The following RBBP4 variants were observed in gnomAD, a reference collection of about 807,000 sequenced individuals.
RBBP4 encodes the protein histone-binding protein RBBP4.
RBBP4 carries 3 observed loss-of-function variants against 57.2 expected under a neutral mutation model. That is an observed-to-expected ratio of 0.05 (90% CI 0.02 to 0.14). The LOEUF (loss-of-function observed/expected upper bound fraction) is 0.14. Among genes scored for constraint, RBBP4 ranks in the 10% least tolerant of loss-of-function variants. The pLI is 1.00. For missense variants in RBBP4, 107 were observed against 520.6 expected (o/e 0.21, Z 7.73); for synonymous variants, 151 against 171.5 (o/e 0.88, Z 0.93).
intron 3 of RBBP4, among the ~76,000 whole-genome samples, chr1:32,661,870 CTTTTTTTTTTTTTTTTTT>C (rs71006354): frequency 3.7e-4 from 18 of 49,308 alleles, no homozygotes; most frequent in African/African-American, 1.2e-3. Context: ...CCTTTGCCCA[CTTTTTTTTTTTTTTTTTT>C]TTTTTTTTTT....
intron 3 of RBBP4, 50 bp downstream of exon 3, chr1:32,657,622 T>C (rs1403599150): frequency 6.4e-7 from 1 of 1,559,536 alleles, no homozygotes; most frequent in Non-Finnish European, 8.7e-7. Context: ...TCATATCTGT[T>C]ATGTGCACTT....
rs567425944 is a variant in RBBP4 at position 32,685,927 on chromosome 1, A to G, written c.*6222A>G. The G allele has an allele frequency of 8.8e-4, 134 of 152,322 alleles. No homozygotes were observed. The highest frequency in any genetic ancestry group is 3.0e-3 in the African/African-American group (125 of 41,568). 9.4% of individuals were successfully genotyped at this position (152,322 alleles called of 1,614,324 possible). A position where few individuals can be genotyped will look rare whatever the true frequency, so the allele number is the denominator to read the frequency against. ...CCTTCAAAGGCTTTCCACTTTCTTT[A>G]GTGGCATTCAGACCCCCTCTAGTTT... On this transcript the variant is annotated 3_prime_UTR_variant, in exon 12 of 12. Transcript: ENST00000373493.
chr1:32,662,606 C>A (rs1648472422), intron 3 of RBBP4, among the ~76,000 whole-genome samples: 1 of 151,272 alleles, frequency 6.6e-6, no homozygotes, highest in Non-Finnish European at 1.5e-5. Context: ...GAACTCCTGA[C>A]CTCGTGATCC....
chr1:32,657,750 A>G (rs1648205160), intron 3 of RBBP4, 178 bp downstream of exon 3: 1 of 665,432 alleles, frequency 1.5e-6, no homozygotes, highest in Admixed American at 3.6e-5. Context: ...AATACTTAAC[A>G]CATCCTTGGT....
At chr1:32,657,904 G>A (rs1210309795) in intron 3 of RBBP4, among the ~76,000 whole-genome samples, 2 of 152,152 alleles carry the variant, frequency 1.3e-5, no homozygotes, top group Non-Finnish European at 2.9e-5. Flanking sequence ...CTAGGTTGGA[G>A]TGTAGTGGCA....
In RBBP4 at chr1:32,671,159, C is replaced by T. The variant is rs538111034; in HGVS notation, c.967-1291C>T. On this transcript the variant is annotated intron_variant, in intron 8 of 11. Coordinates refer to ENST00000373493, the MANE Select transcript of RBBP4 (RefSeq NM_005610.3). ...ATTATTGCATGGAGTCATTTTTAAT[C>T]AGACTTATATGTAATACAGAACTCA... 2.0e-5 allele frequency among the ~76,000 whole-genome samples: 3 copies of T among 152,196 alleles called. No individual in the cohort carries two copies. In the South Asian group the frequency reaches 6.2e-4, roughly 32 times the overall value.
intron 3 of RBBP4, among the ~76,000 whole-genome samples, chr1:32,661,814 C>T (rs1465977506): frequency 7.6e-6 from 1 of 131,916 alleles, no homozygotes; most frequent in Non-Finnish European, 1.6e-5. Context: ...TTTTTTTTCA[C>T]ATTCGTTGTC....
At chr1:32,655,876 T>A (rs1023520580) in intron 2 of RBBP4, among the ~76,000 whole-genome samples, 1 of 152,222 alleles carries the variant, frequency 6.6e-6, no homozygotes, top group Non-Finnish European at 1.5e-5. Flanking sequence ...CAAAATTTTA[T>A]ATGCATCATA....
Position 32,684,356 on chromosome 1 carries a change from G to T in RBBP4, c.*4651G>T, listed in dbSNP as rs752610030. 6.2e-7 allele frequency: 1 copy of T among 1,614,074 alleles called. No individual in the cohort carries two copies. The highest frequency in any genetic ancestry group is 2.2e-5 in the East Asian group (1 of 44,882). On this transcript the variant is annotated 3_prime_UTR_variant, in exon 12 of 12. Transcript: ENST00000373493. ...GCACCCCATTTCTTAACTGCCTCTGGCGTTCTTCCATTTCCTCCAGCTGTT... is the reference window on the plus strand; with the variant it reads ...GCACCCCATTTCTTAACTGCCTCTGTCGTTCTTCCATTTCCTCCAGCTGTT...
In RBBP4 at chr1:32,651,217, A is replaced by G; in HGVS notation, c.-90A>G. ...TCGCGCTGGGGGCGCAGGAAACAAT[A>G]GAGGCCGCGCGCACAGAGCGAGCTC... is the stretch of plus-strand genomic sequence containing the variant. On this transcript the variant is annotated 5_prime_UTR_variant, in exon 1 of 12. The change creates a new upstream start codon in the 5' untranslated region. Coordinates refer to ENST00000373493, the MANE Select transcript of RBBP4 (RefSeq NM_005610.3). 1 of 1,489,436 alleles carries G rather than the reference A, an allele frequency of 6.7e-7. No individual in the cohort carries two copies. Among genetic ancestry groups the G allele is most frequent in the Non-Finnish European group, 9.0e-7 (1 of 1,113,548 alleles). The allele number at this position is 1,489,436 out of a possible 1,614,324, so 92.3% of individuals were successfully genotyped here.
At chr1:32,651,634 T>A (rs1030038556) in intron 1 of RBBP4, 2 of 756,814 alleles carry the variant, frequency 2.6e-6, no homozygotes, top group Non-Finnish European at 4.0e-6. Flanking sequence ...GGCTCGGAGC[T>A]CGGGCCTCCT....
At chr1:32,651,874 CGTTT>C (rs1647738293) in intron 1 of RBBP4, 36 bp from the exon 2 acceptor site, 5 of 1,599,268 alleles carry the variant, frequency 3.1e-6, no homozygotes, top group Admixed American at 1.7e-5. Flanking sequence ...ACTCGGTTTC[CGTTT>C]GTTTGCTAAC....
intron 8 of RBBP4, among the ~76,000 whole-genome samples, chr1:32,670,889 A>T (rs1214375426): frequency 1.3e-5 from 2 of 152,188 alleles, no homozygotes; most frequent in African/African-American, 4.8e-5. Context: ...ATACTCCTAC[A>T]TACTTAGTCT....
intron 1 of RBBP4, chr1:32,651,692 G>T (rs1049664184): frequency 2.6e-6 from 2 of 764,224 alleles, no homozygotes; most frequent in East Asian, 5.5e-5. Flanking sequence ...CCGAAGGCCT[G>T]GCTGGCCCCT....
chr1:32,685,280 CATTCTGTAAATTTTCCCTGCCTAGGATGT>C lies in RBBP4; in HGVS notation c.*5578_*5606del, dbSNP rs1394672567. The C allele has an allele frequency of 1.3e-5, 2 of 152,174 alleles. 1 individual carries two copies. The highest frequency in any genetic ancestry group is 4.8e-5 in the African/African-American group (2 of 41,448). 9.4% of individuals were successfully genotyped at this position (152,174 alleles called of 1,614,324 possible). ...ATTCTTCCAGAATCAGGCTGGGATG[CATTCTGTAAATTTTCCCTGCCTAGGATGT>C]ATACCTGAGGAATAAGGTAAGGAAG... is the stretch of plus-strand genomic sequence containing the variant. On this transcript the variant is annotated 3_prime_UTR_variant, in exon 12 of 12. Coordinates refer to ENST00000373493, the MANE Select transcript of RBBP4 (RefSeq NM_005610.3).
intron 3 of RBBP4, among the ~76,000 whole-genome samples, chr1:32,666,043 A>G (rs1418972674): frequency 1.3e-5 from 2 of 152,248 alleles, no homozygotes; most frequent in East Asian, 1.9e-4. Flanking sequence ...GTGTGAATAA[A>G]AAATGTTTTC....
chr1:32,668,229 T>C lies in RBBP4; in HGVS notation c.315T>C (p.Phe105=), dbSNP rs1013229033. The change falls in exon 4 of 12, where the codon TTT becomes TTC. Residue 105 remains phenylalanine (F), a synonymous_variant. Coordinates refer to ENST00000373493, the MANE Select transcript of RBBP4 (RefSeq NM_005610.3). ...TTGCAATTAATTTATTCACAGAATTTGGAGGTTTTGGTTCAGTTAGTGGAA... is the reference window on the plus strand; with the variant it reads ...TTGCAATTAATTTATTCACAGAATTCGGAGGTTTTGGTTCAGTTAGTGGAA... ...ASHYDSEKGE[F]GGFGSVSGKI... 6.2e-7 allele frequency: 1 copy of C among 1,611,014 alleles called. No homozygotes were observed. Among genetic ancestry groups the C allele is most frequent in the Admixed American group, 1.7e-5 (1 of 59,766 alleles).
In RBBP4 at chr1:32,684,518, G is replaced by C. The variant is rs1288236693; in HGVS notation, c.*4813G>C. On this transcript the variant is annotated 3_prime_UTR_variant, in exon 12 of 12. Coordinates refer to ENST00000373493, the MANE Select transcript of RBBP4 (RefSeq NM_005610.3). ...ATTGAGGCTGGTATTTATATGATAG[G>C]TTATGAAACAGGTTCAAAGAAGTTG... 3.1e-6 allele frequency: 4 copies of C among 1,281,768 alleles called. 1 individual carries two copies. The East Asian group carries it at 7.2e-5, about 23-fold the overall frequency. The allele number at this position is 1,281,768 out of a possible 1,614,324, so 79.4% of individuals were successfully genotyped here. A position where few individuals can be genotyped will look rare whatever the true frequency, so the allele number is the denominator to read the frequency against.
chr1:32,654,709 G>A (rs555757142), intron 2 of RBBP4, among the ~76,000 whole-genome samples: 3 of 152,074 alleles, frequency 2.0e-5, no homozygotes, highest in Admixed American at 1.3e-4. Flanking sequence ...GTTTTGAGAC[G>A]GAGGACGGAG....
Sources: allele counts gnomAD v4.1 joint callset (sites outside exome capture counted in the v4.1 genomes callset), GRCh38; gene constraint gnomAD v4.1.1; transcripts MANE v1.5; gene names NCBI Gene and HGNC (gene_info 2026-07-23, HGNC 2026-07-21).